The following UNC13C variants were observed in gnomAD, a reference collection of about 807,000 sequenced individuals.
UNC13C encodes unc-13 homolog C.
A neutral mutation model predicts 245.4 loss-of-function variants in UNC13C; 174 were observed. That is an observed-to-expected ratio of 0.71 (90% CI 0.63 to 0.80). The LOEUF (loss-of-function observed/expected upper bound fraction) is 0.80, where lower values mean the gene tolerates loss of function less well. Ranked by LOEUF, UNC13C falls within the 30% of genes least tolerant of loss-of-function variation. UNC13C has a pLI of 0.00. For synonymous variants in UNC13C, 992 were observed against 895.1 expected (o/e 1.11, Z -1.93); for missense variants, 2,829 against 2,602.9 (o/e 1.09, Z -1.89).
chr15:53,845,063 C>CT, the UNC13C span, among the ~76,000 whole-genome samples: 1 of 152,144 alleles, frequency 6.6e-6, no homozygotes, highest in East Asian at 1.9e-4. Flanking sequence ...CAGTGGCTCA[C>CT]GTCTGAAATC....
intron 4 of UNC13C, among the ~76,000 whole-genome samples, chr15:54,148,895 G>C (rs2032395304): frequency 6.6e-6 from 1 of 152,122 alleles, no homozygotes; most frequent in Admixed American, 6.5e-5. Context: ...ACATAACACA[G>C]TGCTTTAATC....
At chr15:54,191,491 A>T (rs1159467805) in intron 4 of UNC13C, among the ~76,000 whole-genome samples, 1 of 152,140 alleles carries the variant, frequency 6.6e-6, no homozygotes, top group Non-Finnish European at 1.5e-5. Context: ...TGCTATTGTG[A>T]ACAGTGCTGC....
At chr15:54,388,525 G>A (rs1192884790) in intron 17 of UNC13C, among the ~76,000 whole-genome samples, 1 of 152,104 alleles carries the variant, frequency 6.6e-6, no homozygotes, top group Non-Finnish European at 1.5e-5. Flanking sequence ...TCTGAAGAAG[G>A]AAATTCCTAG....
chr15:54,207,474 A>G lies in UNC13C; in HGVS notation c.3072-27556A>G, dbSNP rs368357296. Among the ~76,000 whole-genome samples, 179 of 152,162 alleles carry G rather than the reference A, an allele frequency of 1.2e-3. 1 individual carries two copies. The Middle Eastern group carries it at 0.017, about 14-fold the overall frequency. On this transcript the variant is annotated intron_variant, in intron 4 of 32. Transcript: ENST00000260323. ...GGCCCTCACCACACATAGCTGCCCA[A>G]TGTTGAACTTAGGGGAGGGAGAGGA...
chr15:54,566,809 C>A (rs905608380), intron 29 of UNC13C, among the ~76,000 whole-genome samples: 1 of 152,024 alleles, frequency 6.6e-6, no homozygotes, highest in Non-Finnish European at 1.5e-5. Context: ...AGAAGAATGA[C>A]ACATACCCAT....
the UNC13C span, among the ~76,000 whole-genome samples, chr15:53,903,659 C>A: frequency 5.9e-5 from 9 of 152,284 alleles, no homozygotes; most frequent in South Asian, 1.9e-3. Context: ...TCAAGACCTA[C>A]TCTGACAATG....
downstream of UNC13C, chr15:54,629,842 A>G (rs750148645): frequency 1.3e-5 from 2 of 152,178 alleles, no homozygotes; most frequent in Non-Finnish European, 2.9e-5. Context: ...TTTACAATGT[A>G]TACAATATAT....
chr15:54,315,012 C>G (rs1303673320), intron 13 of UNC13C, among the ~76,000 whole-genome samples: 1 of 151,682 alleles, frequency 6.6e-6, no homozygotes, highest in Non-Finnish European at 1.5e-5. Flanking sequence ...GCAGGAGTGT[C>G]CATTTTCACT....
rs142940760 is a variant in UNC13C at position 54,283,532 on chromosome 15, A to G, written c.3819-10363A>G. ...TTATTTAATCAATCTCCTGGGTTTT[A>G]TAATTAGGAAATTAGAATGTATTAT... On this transcript the variant is annotated intron_variant, in intron 10 of 32. Transcript: ENST00000260323. 1.5e-3 allele frequency among the ~76,000 whole-genome samples: 223 copies of G among 152,214 alleles called. 1 individual carries two copies. The highest frequency in any genetic ancestry group is 5.1e-3 in the African/African-American group (212 of 41,534).
intron 1 of UNC13C, among the ~76,000 whole-genome samples, chr15:53,991,070 G>T (rs905456749): frequency 6.6e-6 from 1 of 151,936 alleles, no homozygotes; most frequent in African/African-American, 2.4e-5. Context: ...TCTACTGGGG[G>T]CACAGTACCA....
intron 10 of UNC13C, among the ~76,000 whole-genome samples, chr15:54,269,629 A>G (rs571986174): frequency 6.6e-6 from 1 of 152,314 alleles, no homozygotes; most frequent in African/African-American, 2.4e-5. Context: ...GACAATTCGC[A>G]GTGCTCATCC....
the UNC13C span, among the ~76,000 whole-genome samples, chr15:53,892,809 T>A: frequency 6.6e-6 from 1 of 152,154 alleles, no homozygotes; most frequent in African/African-American, 2.4e-5. Flanking sequence ...TGGCATTGGA[T>A]TAGAACATAC....
intron 2 of UNC13C, among the ~76,000 whole-genome samples, chr15:54,075,430 G>GCC (rs200521755): frequency 6.8e-5 from 4 of 58,894 alleles, no homozygotes; most frequent in African/African-American, 7.4e-5. Context: ...CTTGCAGTGA[G>GCC]CCGGAGCTTG....
At chr15:54,250,184 C>G (rs770324412) in intron 7 of UNC13C, 41 bp from the exon 8 acceptor site, 10 of 1,569,630 alleles carry the variant, frequency 6.4e-6, no homozygotes, top group African/African-American at 2.7e-5. Context: ...TTCAAATCCA[C>G]TGACTTGGCG....
downstream of UNC13C, chr15:54,630,260 T>TAATC (rs1901429065): frequency 6.6e-6 from 1 of 152,234 alleles, no homozygotes; most frequent in East Asian, 1.9e-4. Flanking sequence ...ATGCATTAAG[T>TAATC]AATCAGATGT....
At position 54,015,414 on chromosome 15, in the gene UNC13C, T is replaced by C; in HGVS notation, c.2511T>C (p.Ser837=). 1 of 1,613,730 alleles carries C rather than the reference T, an allele frequency of 6.2e-7. No homozygotes were observed. Among genetic ancestry groups the C allele is most frequent in the South Asian group, 1.1e-5 (1 of 91,072 alleles). The change falls in exon 2 of 33, where the codon TCT becomes TCC. Residue 837 remains serine, a synonymous_variant. Transcript: ENST00000260323. ...TAATGGGGAGATTTCGGACATTATC[T>C]CAATCAACTGCAAATGAGTCAAGTA... ...SSLMGRFRTL[S]QSTANESSTT...
At chr15:53,924,468 C>CAAA in the UNC13C span, among the ~76,000 whole-genome samples, 1 of 152,034 alleles carries the variant, frequency 6.6e-6, no homozygotes, top group Non-Finnish European at 1.5e-5. Flanking sequence ...AAATATTAAC[C>CAAA]TTTTCCATTT....
chr15:54,509,056 A>G (rs1012615984), intron 23 of UNC13C, among the ~76,000 whole-genome samples: 1 of 152,064 alleles, frequency 6.6e-6, no homozygotes, highest in Non-Finnish European at 1.5e-5. Flanking sequence ...AAAATTAACC[A>G]GGTGTGGTGG....
At chr15:54,559,477 C>T (rs1566909590) in intron 29 of UNC13C, among the ~76,000 whole-genome samples, 1 of 151,934 alleles carries the variant, frequency 6.6e-6, no homozygotes, top group Admixed American at 6.6e-5. Context: ...AATAACCTAC[C>T]TAGTTTAGAG....
Sources: allele counts gnomAD v4.1 joint callset (sites outside exome capture counted in the v4.1 genomes callset), GRCh38; gene constraint gnomAD v4.1.1; transcripts MANE v1.5; gene names NCBI Gene and HGNC (gene_info 2026-07-23, HGNC 2026-07-21).